The following ALDH6A1 variants were observed in gnomAD, a reference collection of about 807,000 sequenced individuals.
The protein encoded by ALDH6A1 is methylmalonate-semialdehyde/malonate-semialdehyde dehydrogenase [acylating], mitochondrial.
ALDH6A1 carries 43 observed loss-of-function variants against 62.6 expected under a neutral mutation model. The observed-to-expected ratio is 0.69, with a 90% CI of 0.54 to 0.89. The LOEUF is 0.89. ALDH6A1 is among the 40% of genes least tolerant of loss of function. ALDH6A1 has a pLI of 0.00. For synonymous variants in ALDH6A1, 194 were observed against 234.2 expected, an observed-to-expected ratio of 0.83 and a Z score of 1.57; for missense variants, 551 against 661.3, an observed-to-expected ratio of 0.83 and a Z score of 1.83.
chr14:74,065,166 A>G lies in ALDH6A1; in HGVS notation c.1404+15T>C. The G allele has an allele frequency of 1.2e-6, 2 of 1,613,844 alleles. No individual in the cohort carries two copies. Among genetic ancestry groups the G allele is most frequent in the Non-Finnish European group, 1.7e-6 (2 of 1,179,784 alleles). Reference sequence around the variant, plus strand: ...AAATGGATATAAGAATCTCTTAAAAATTCTGTTCACGAACCTGTCCAACAT... The same window carrying G: ...AAATGGATATAAGAATCTCTTAAAAGTTCTGTTCACGAACCTGTCCAACAT... On this transcript the variant is annotated intron_variant, in intron 10 of 11. Coordinates refer to ENST00000553458, the MANE Select transcript of ALDH6A1 (RefSeq NM_005589.4).
intron 1 of ALDH6A1, among the ~76,000 whole-genome samples, chr14:74,078,691 C>A (rs1234456332): frequency 2.6e-5 from 4 of 151,820 alleles, no homozygotes. Flanking sequence ...CCACATCCAG[C>A]TAATTTTTTG....
rs550734572 is a variant in ALDH6A1 at position 74,062,781 on chromosome 14, G to A, written c.1504-2035C>T. ...AAAATAAAAAAGCCCCACATCCCTC[G>A]CCCTGTGGCAGCACATAGCTGGCAC... On this transcript the variant is annotated intron_variant, in intron 11 of 11. Transcript: ENST00000553458. Among the ~76,000 whole-genome samples the A allele has an allele frequency of 2.6e-4, 39 of 151,814 alleles. No homozygotes were observed. In the South Asian group the frequency reaches 3.5e-3, roughly 14 times the overall value.
chr14:74,072,125 G>A, intron 4 of ALDH6A1, 78 bp downstream of exon 4: 2 of 1,603,144 alleles, frequency 1.2e-6, no homozygotes, highest in Non-Finnish European at 1.7e-6. Flanking sequence ...AAGGGAGGGT[G>A]GCTGAAAAGG....
chr14:74,061,416 C>T (rs543747504), intron 11 of ALDH6A1, among the ~76,000 whole-genome samples: 13 of 152,276 alleles, frequency 8.5e-5, no homozygotes, highest in South Asian at 8.3e-4. Context: ...ATTCTCCTGC[C>T]TCAGCCTTCT....
chr14:74,065,470 T>C lies in ALDH6A1; in HGVS notation c.1225-110A>G, dbSNP rs2060446924. The C allele has an allele frequency of 1.2e-5, 12 of 978,936 alleles. 1 individual carries two copies. The highest frequency in any genetic ancestry group is 1.1e-4 in the South Asian group (8 of 71,814). 60.6% of individuals were successfully genotyped at this position (978,936 alleles called of 1,614,324 possible). On this transcript the variant is annotated intron_variant, in intron 9 of 11. Coordinates refer to ENST00000553458, the MANE Select transcript of ALDH6A1 (RefSeq NM_005589.4). Reference sequence around the variant, plus strand: ...ACATCATTTACGTGGACAACTTTCATATTACTAATCTCTTTTCATTTCAAA... The same window carrying C: ...ACATCATTTACGTGGACAACTTTCACATTACTAATCTCTTTTCATTTCAAA...
chr14:74,061,783 C>G (rs1010621751), intron 11 of ALDH6A1, among the ~76,000 whole-genome samples: 1 of 152,082 alleles, frequency 6.6e-6, no homozygotes, highest in Non-Finnish European at 1.5e-5. Context: ...TTAACTCTCT[C>G]TATATATAGA....
intron 6 of ALDH6A1, chr14:74,069,318 G>A (rs1286469275): frequency 1.5e-5 from 5 of 333,308 alleles, no homozygotes; most frequent in East Asian, 1.6e-4. Context: ...TGGCCAGGCT[G>A]GTCTTGAACT....
At chr14:74,077,798 G>A (rs1487272293) in intron 1 of ALDH6A1, among the ~76,000 whole-genome samples, 1 of 152,128 alleles carries the variant, frequency 6.6e-6, no homozygotes, top group Non-Finnish European at 1.5e-5. Flanking sequence ...GTACTTATCT[G>A]TTACCCATAA....
chr14:74,077,133 T>C (rs979308241), intron 1 of ALDH6A1, among the ~76,000 whole-genome samples: 6 of 152,132 alleles, frequency 3.9e-5, no homozygotes, highest in African/African-American at 1.4e-4. Context: ...ACTGACACTC[T>C]CCTGGAGCCC....
intron 8 of ALDH6A1, among the ~76,000 whole-genome samples, 166 bp downstream of exon 8, chr14:74,067,214 A>C (rs2060480991): frequency 6.6e-6 from 1 of 152,202 alleles, no homozygotes; most frequent in African/African-American, 2.4e-5. Flanking sequence ...TGTGCTTTAA[A>C]AAAAAAGACT....
intron 2 of ALDH6A1, among the ~76,000 whole-genome samples, chr14:74,073,080 G>A (rs1566834412): frequency 6.6e-6 from 1 of 152,072 alleles, no homozygotes. Context: ...GATTACAGGC[G>A]TGAGCCTCTG....
chr14:74,083,630 G>C (rs896729482), intron 1 of ALDH6A1, among the ~76,000 whole-genome samples: 27 of 152,190 alleles, frequency 1.8e-4, no homozygotes, highest in African/African-American at 6.3e-4. Flanking sequence ...AGCTTTAACT[G>C]TGTGCCCTTA....
At chr14:74,063,929 G>A (rs987816145) in intron 11 of ALDH6A1, among the ~76,000 whole-genome samples, 3 of 151,792 alleles carry the variant, frequency 2.0e-5, no homozygotes, top group African/African-American at 7.3e-5. Context: ...GCTTAGCTGG[G>A]ATTTGAACAC....
intron 11 of ALDH6A1, chr14:74,064,619 T>C: frequency 6.7e-7 from 1 of 1,485,668 alleles, no homozygotes; most frequent in Non-Finnish European, 9.4e-7. Flanking sequence ...CCTCAAAACT[T>C]TGTTGCTTTG....
chr14:74,072,470 C>T lies in ALDH6A1; in HGVS notation c.186+67G>A, dbSNP rs971387386. The T allele has an allele frequency of 1.7e-5, 27 of 1,613,264 alleles. No homozygotes were observed. In the African/African-American group the frequency reaches 3.3e-4, roughly 20 times the overall value. ...TGCTTTACAACAGACACCCAGGTCC[C>T]TTCTTGCCCATCATGTCCCTAGAAT... On this transcript the variant is annotated intron_variant, in intron 3 of 11. Transcript: ENST00000553458.
At chr14:74,072,150 A>T in intron 4 of ALDH6A1, 53 bp downstream of exon 4, 1 of 1,613,240 alleles carries the variant, frequency 6.2e-7, no homozygotes, top group Non-Finnish European at 8.5e-7. Context: ...TGTGAGAGTG[A>T]CAAACATGCC....
At position 74,059,399 on chromosome 14, in the gene ALDH6A1, A is replaced by G. The variant is rs546575914; in HGVS notation, c.*1243T>C. ...TAACTTTTGAAATAATTTTCTAAGA[A>G]AATTATTTGCATCTGGCTGGGTGTG... On this transcript the variant is annotated 3_prime_UTR_variant, in exon 12 of 12. Transcript: ENST00000553458. 2.2e-6 allele frequency: 1 copy of G among 456,262 alleles called. No homozygotes were observed. Among genetic ancestry groups the G allele is most frequent in the East Asian group, 7.0e-5 (1 of 14,338 alleles). The allele number at this position is 456,262 out of a possible 1,614,324, so 28.3% of individuals were successfully genotyped here. A position where few individuals can be genotyped will look rare whatever the true frequency, so the allele number is the denominator to read the frequency against.
chr14:74,057,187 A>C lies in ALDH6A1; in HGVS notation c.*3455T>G. On this transcript the variant is annotated 3_prime_UTR_variant, in exon 12 of 12. Transcript: ENST00000553458. ...AGATAAAATCTTCATCACCCAGCAA[A>C]TTGCAATATCAGACTCTTCTGGTGA... 4 of 1,613,668 alleles carry C rather than the reference A, an allele frequency of 2.5e-6. No individual in the cohort carries two copies. Among genetic ancestry groups the C allele is most frequent in the Non-Finnish European group, 3.4e-6 (4 of 1,179,682 alleles).
chr14:74,068,294 G>A (rs1374112042), intron 7 of ALDH6A1, among the ~76,000 whole-genome samples: 2 of 151,744 alleles, frequency 1.3e-5, no homozygotes, highest in African/African-American at 2.4e-5. Context: ...CATGAGAATT[G>A]TTAGAACCTG....
Sources: allele counts gnomAD v4.1 joint callset (sites outside exome capture counted in the v4.1 genomes callset), GRCh38; gene constraint gnomAD v4.1.1; transcripts MANE v1.5; gene names NCBI Gene and HGNC (gene_info 2026-07-23, HGNC 2026-07-21).